ESRRG: variants seen among roughly 807,000 people sequenced by gnomAD.
The protein encoded by ESRRG is estrogen related receptor gamma.
A neutral mutation model predicts 44.0 loss-of-function variants in ESRRG; 13 were observed. That is an observed-to-expected ratio of 0.30 (90% confidence interval 0.19 to 0.47). The LOEUF (loss-of-function observed/expected upper bound fraction) is 0.47. ESRRG is among the 20% of genes least tolerant of loss of function. The pLI is 1.00. For synonymous variants in ESRRG, 215 were observed against 214.6 expected, an observed-to-expected ratio of 1.00 and a Z score of -0.02; for missense variants, 395 against 580.6, an observed-to-expected ratio of 0.68 and a Z score of 3.29.
At chr1:216,631,395 T>A (rs537312298) in intron 3 of ESRRG, among the ~76,000 whole-genome samples, 1 of 152,334 alleles carries the variant, frequency 6.6e-6, no homozygotes, top group South Asian at 2.1e-4. Flanking sequence ...GTTTTAGGAA[T>A]ACTTGGAAAA....
intron 2 of ESRRG, among the ~76,000 whole-genome samples, chr1:216,754,829 G>T (rs529181570): frequency 1.3e-5 from 2 of 150,874 alleles, no homozygotes; most frequent in Admixed American, 6.7e-5. Flanking sequence ...ACTCTCAAAC[G>T]TTCCTTTTCT....
At chr1:217,125,156 G>A (rs1462445171) in intron 1 of ESRRG, among the ~76,000 whole-genome samples, 1 of 152,094 alleles carries the variant, frequency 6.6e-6, no homozygotes, top group African/African-American at 2.4e-5. Context: ...CTACACTGGG[G>A]AGGGAGGGCA....
At position 217,045,084 on chromosome 1, in the gene ESRRG, C is replaced by T. The variant is rs2084616271; in HGVS notation, c.-106+44423G>A. 2.0e-5 allele frequency among the ~76,000 whole-genome samples: 3 copies of T among 152,268 alleles called. No individual in the cohort carries two copies. In the Middle Eastern group the frequency reaches 0.01, roughly 518 times the overall value. The stretch of plus-strand genomic sequence containing the variant: ...GTTTATTGAAGTGAATACAAAGATG[C>T]AGCATATAGCCTTAATGTGCTCAGC... On this transcript the variant is annotated intron_variant, in intron 1 of 7. Transcript: ENST00000359162.
intron 3 of ESRRG, among the ~76,000 whole-genome samples, chr1:216,644,106 T>C (rs2067006373): frequency 6.6e-6 from 1 of 152,204 alleles, no homozygotes; most frequent in Admixed American, 6.5e-5. Flanking sequence ...TCTCTGACCT[T>C]GGGTTCCTTA....
At chr1:216,721,989 A>C (rs1192319753) in intron 1 of ESRRG, among the ~76,000 whole-genome samples, 1 of 152,180 alleles carries the variant, frequency 6.6e-6, no homozygotes, top group African/African-American at 2.4e-5. Context: ...GTGGATGTGC[A>C]TGTGTGAGCG....
chr1:217,028,535 T>C (rs1371520904), intron 1 of ESRRG, among the ~76,000 whole-genome samples: 1 of 152,152 alleles, frequency 6.6e-6, no homozygotes, highest in Non-Finnish European at 1.5e-5. Flanking sequence ...AAATAATTTC[T>C]CCCAGGAGAG....
chr1:216,995,906 C>T (rs1298696560), intron 1 of ESRRG, among the ~76,000 whole-genome samples: 1 of 152,110 alleles, frequency 6.6e-6, no homozygotes, highest in East Asian at 1.9e-4. Flanking sequence ...GCCATTCACT[C>T]CTATGCACAT....
chr1:216,808,651 T>C (rs1305377939), intron 2 of ESRRG, among the ~76,000 whole-genome samples: 1 of 152,110 alleles, frequency 6.6e-6, no homozygotes, highest in Non-Finnish European at 1.5e-5. Flanking sequence ...CTTGAACTCC[T>C]GGGCTCAAGC....
chr1:216,565,167 CA>C (rs2059464690), intron 4 of ESRRG, among the ~76,000 whole-genome samples: 1 of 152,026 alleles, frequency 6.6e-6, no homozygotes, highest in South Asian at 2.1e-4. Context: ...AAAAATCCTT[CA>C]AAAAATAAAC....
chr1:216,655,899 A>G (rs892587989), intron 2 of ESRRG, among the ~76,000 whole-genome samples: 3 of 151,958 alleles, frequency 2.0e-5, no homozygotes, highest in Non-Finnish European at 4.4e-5. Flanking sequence ...CCCTTGAAAA[A>G]CCTTCCCTGG....
intron 1 of ESRRG, among the ~76,000 whole-genome samples, chr1:216,697,285 T>C (rs1409335075): frequency 6.6e-6 from 1 of 152,168 alleles, no homozygotes; most frequent in African/African-American, 2.4e-5. Flanking sequence ...ATGTTTAATT[T>C]TTGGAATAAT....
intron 1 of ESRRG, among the ~76,000 whole-genome samples, chr1:216,703,970 A>T (rs2813666): frequency 0.84 from 128,477 of 152,124 alleles, 54,296 homozygotes; most frequent in South Asian, 0.91. Flanking sequence ...CACCTCAAAG[A>T]CTTTTTGGGA....
At chr1:217,019,418 G>T (rs1388555346) in intron 1 of ESRRG, among the ~76,000 whole-genome samples, 1 of 152,104 alleles carries the variant, frequency 6.6e-6, no homozygotes, top group African/African-American at 2.4e-5. Context: ...GGTGACATTT[G>T]CTCTACATGC....
intron 3 of ESRRG, among the ~76,000 whole-genome samples, chr1:216,618,433 C>T (rs2061717165): frequency 6.6e-6 from 1 of 152,160 alleles, no homozygotes; most frequent in South Asian, 2.1e-4. Context: ...ATTGAATCTG[C>T]CACCTTAGCC....
intron 2 of ESRRG, among the ~76,000 whole-genome samples, chr1:216,772,052 GC>G (rs1256169213): frequency 6.6e-6 from 1 of 151,948 alleles, no homozygotes; most frequent in Non-Finnish European, 1.5e-5. Context: ...AAAGGGGGCA[GC>G]TTCACACACT....
intron 1 of ESRRG, among the ~76,000 whole-genome samples, chr1:217,105,393 G>A (rs953899095): frequency 6.6e-6 from 1 of 152,156 alleles, no homozygotes; most frequent in Non-Finnish European, 1.5e-5. Flanking sequence ...CTTTGTAGAG[G>A]TTGGAGTTCA....
chr1:216,963,080 T>G (rs1439163997), intron 1 of ESRRG, among the ~76,000 whole-genome samples: 1 of 152,186 alleles, frequency 6.6e-6, no homozygotes, highest in Non-Finnish European at 1.5e-5. Context: ...CTCACTGAGT[T>G]GTTTGGAGAT....
chr1:216,692,665 A>T (rs2079288228), intron 1 of ESRRG, among the ~76,000 whole-genome samples: 2 of 152,206 alleles, frequency 1.3e-5, no homozygotes, highest in South Asian at 4.2e-4. Context: ...TTCACTCACC[A>T]TTTACTCACT....
intron 1 of ESRRG, among the ~76,000 whole-genome samples, chr1:217,105,088 G>A (rs148763275): frequency 4.5e-4 from 69 of 152,240 alleles, no homozygotes; most frequent in African/African-American, 1.6e-3. Context: ...TGCAAATTTA[G>A]CTCAATTTGA....
Sources: allele counts gnomAD v4.1 joint callset (sites outside exome capture counted in the v4.1 genomes callset), GRCh38; gene constraint gnomAD v4.1.1; transcripts MANE v1.5; gene names NCBI Gene and HGNC (gene_info 2026-07-23, HGNC 2026-07-21).